SLC8A2: variants seen among roughly 807,000 people sequenced by gnomAD.
SLC8A2 encodes the protein solute carrier family 8 member A2.
SLC8A2 carries 14 observed loss-of-function variants against 70.2 expected under a neutral mutation model. The observed-to-expected ratio is 0.20, with a 90% CI of 0.13 to 0.31. The LOEUF (loss-of-function observed/expected upper bound fraction) is 0.31, where lower values mean the gene tolerates loss of function less well. SLC8A2 is among the 10% of genes least tolerant of loss of function. SLC8A2 has a pLI of 1.00. For synonymous variants in SLC8A2, 575 were observed against 594.3 expected (o/e 0.97, Z 0.47); for missense variants, 779 against 1,320.1 (o/e 0.59, Z 6.35).
At position 47,430,024 on chromosome 19, in the gene SLC8A2, A is replaced by T. The variant is rs1241904683; in HGVS notation, c.*65T>A. 1.3e-6 allele frequency: 2 copies of T among 1,491,962 alleles called. No individual in the cohort carries two copies. The highest frequency in any genetic ancestry group is 1.8e-6 in the Non-Finnish European group (2 of 1,114,574). 92.4% of individuals were successfully genotyped at this position (1,491,962 alleles called of 1,614,324 possible). ...TGGGGGGAAAAGGAGACCAGGGTCCAAGAGCAGGTGCAGCCGAGTCCCTAG... is the reference window on the plus strand; with the variant it reads ...TGGGGGGAAAAGGAGACCAGGGTCCTAGAGCAGGTGCAGCCGAGTCCCTAG... On this transcript the variant is annotated 3_prime_UTR_variant, in exon 10 of 10. Transcript: ENST00000236877. The surrounding 1 kb of genome is among the most constrained non-coding windows in gnomAD (Gnocchi z 5.9).
At chr19:47,456,433 G>A (rs1271609371) in intron 3 of SLC8A2, among the ~76,000 whole-genome samples, 1 of 152,212 alleles carries the variant, frequency 6.6e-6, no homozygotes, top group African/African-American at 2.4e-5. Context: ...GGAGGCCGAG[G>A]CAGGTGGATC....
rs1353642993 is a variant in SLC8A2 at position 47,465,253 on chromosome 19, G to C, written c.675+476C>G. 6.6e-6 allele frequency among the ~76,000 whole-genome samples: 1 copy of C among 152,112 alleles called. No individual in the cohort carries two copies. Among genetic ancestry groups the C allele is most frequent in the African/African-American group, 2.4e-5 (1 of 41,434 alleles). On this transcript the variant is annotated intron_variant, in intron 2 of 9. Coordinates refer to ENST00000236877, the MANE Select transcript of SLC8A2 (RefSeq NM_015063.3). The surrounding 1 kb of genome is among the most constrained non-coding windows in gnomAD (Gnocchi z 5.5). The stretch of plus-strand genomic sequence containing the variant: ...AACACTAGGCTGGATTATATGCAAG[G>C]GTAGTATGAATTATGCGAATGGAGG...
At position 47,439,960 on chromosome 19, in the gene SLC8A2, A is replaced by G. The variant is rs150273651; in HGVS notation, c.1885+1209T>C. On this transcript the variant is annotated intron_variant, in intron 6 of 9. Transcript: ENST00000236877. ...ATTACAGACATGAGGCATTGTGCCCAGTAAAGAAATAACTTTTATTGTGTT... is the reference window on the plus strand; with the variant it reads ...ATTACAGACATGAGGCATTGTGCCCGGTAAAGAAATAACTTTTATTGTGTT... Among the ~76,000 whole-genome samples the G allele has an allele frequency of 6.0e-4, 91 of 152,292 alleles. 2 individuals are homozygous for G. The East Asian group carries it at 0.016, about 27-fold the overall frequency.
rs1479755168 is a variant in SLC8A2 at position 47,429,833 on chromosome 19, G to T, written c.*256C>A. ...GGAAATTTCCCCAGGGATATAGACG[G>T]TCACCAACAGGATGGGCTGGAGTTG... is the stretch of plus-strand genomic sequence containing the variant. On this transcript the variant is annotated 3_prime_UTR_variant, in exon 10 of 10. Coordinates refer to ENST00000236877, the MANE Select transcript of SLC8A2 (RefSeq NM_015063.3). The T allele has an allele frequency of 1.7e-6, 1 of 576,110 alleles. No individual in the cohort carries two copies. The highest frequency in any genetic ancestry group is 3.1e-6 in the Non-Finnish European group (1 of 325,296). 35.7% of individuals were successfully genotyped at this position (576,110 alleles called of 1,614,324 possible). A position where few individuals can be genotyped will look rare whatever the true frequency, so the allele number is the denominator to read the frequency against.
In SLC8A2 at chr19:47,441,339, G is replaced by A; in HGVS notation, c.1865C>T (p.Ser622Leu). ...ACAGCCCACTGGTCACCCCTCACCTGAAATCCCTCGCTTAAGCCACTGGGG... is the reference window on the plus strand; with the variant it reads ...ACAGCCCACTGGTCACCCCTCACCTAAAATCCCTCGCTTAAGCCACTGGGG... ...GQPQWLKRGI[S>L]ALLLNQGDGD... The change falls in exon 5 of 10, where the codon TCA (serine) becomes TTA (leucine). Residue 622 changes from serine to leucine, a missense_variant and splice_region_variant. Around this residue, in one of 6 missense-constraint regions of SLC8A2, gnomAD observed 247 missense variants for 362.8 expected, o/e 0.68. Transcript: ENST00000236877. The A allele has an allele frequency of 6.2e-7, 1 of 1,611,364 alleles. No individual in the cohort carries two copies. The highest frequency in any genetic ancestry group is 8.5e-7 in the Non-Finnish European group (1 of 1,177,512).
chr19:47,428,256 C>A lies in SLC8A2; in HGVS notation c.*1833G>T, dbSNP rs914331067. 6.6e-6 allele frequency: 1 copy of A among 151,254 alleles called. No homozygotes were observed. The highest frequency in any genetic ancestry group is 1.5e-5 in the Non-Finnish European group (1 of 67,942). 9.4% of individuals were successfully genotyped at this position (151,254 alleles called of 1,614,324 possible). A position where few individuals can be genotyped will look rare whatever the true frequency, so the allele number is the denominator to read the frequency against. On this transcript the variant is annotated 3_prime_UTR_variant, in exon 10 of 10. Transcript: ENST00000236877. The stretch of plus-strand genomic sequence containing the variant: ...GAAGAGCTAGGCTGATGAATGGGGG[C>A]GTGGTTAGTGGAAACCCGTAATTGA...
rs185704566 is a variant in SLC8A2, at chr19:47,470,141, G to A, written c.-17+1648C>T. Among the ~76,000 whole-genome samples the A allele has an allele frequency of 1.8e-3, 280 of 152,320 alleles. 1 individual carries two copies. The highest frequency in any genetic ancestry group is 6.8e-3 in the Middle Eastern group (2 of 294). On this transcript the variant is annotated intron_variant, in intron 1 of 9. Transcript: ENST00000236877. Reference sequence around the variant, plus strand: ...ATTTACTGCCCCAGCATGAGCGCAGGCGCTCCCATCACCTCAAAATGGTCC... The same window carrying A: ...ATTTACTGCCCCAGCATGAGCGCAGACGCTCCCATCACCTCAAAATGGTCC...
chr19:47,462,586 C>CTT (rs542630404), intron 2 of SLC8A2, among the ~76,000 whole-genome samples: 9 of 117,416 alleles, frequency 7.7e-5, no homozygotes, highest in East Asian at 2.5e-4. Context: ...TTTTAAATTT[C>CTT]TTTTTTTTTT....
Position 47,466,399 on chromosome 19 carries a change from GC to G in SLC8A2, c.4del (p.Ala2LeufsTer194). The G allele has an allele frequency of 7.2e-7, 1 of 1,397,490 alleles. No individual in the cohort carries two copies. The highest frequency in any genetic ancestry group is 9.4e-7 in the Non-Finnish European group (1 of 1,064,178). 86.6% of individuals were successfully genotyped at this position (1,397,490 alleles called of 1,614,324 possible). A position where few individuals can be genotyped will look rare whatever the true frequency, so the allele number is the denominator to read the frequency against. M[A>X]PLALVGVTLL... Reference sequence around the variant, plus strand: ...TGTGACCCCCACCAAGGCCAGGGGAGCCATGGGGGGTGGTGGGGTCCTATGG... The same window carrying G: ...TGTGACCCCCACCAAGGCCAGGGGAGCATGGGGGGTGGTGGGGTCCTATGG... On this transcript the variant is annotated frameshift_variant, in exon 2 of 10. Transcript: ENST00000236877. LOFTEE classifies it high-confidence loss of function. This position sits in a 1 kb window ranked among gnomAD's most constrained non-coding sequence, Gnocchi z 6.9.
At chr19:47,438,025 C>T (rs902245524) in intron 6 of SLC8A2, 52 bp from the exon 7 acceptor site, 12 of 1,608,192 alleles carry the variant, frequency 7.5e-6, no homozygotes, top group Non-Finnish European at 1.0e-5. Context: ...CCTAATTGGG[C>T]CTGTGACGCC....
intron 3 of SLC8A2, among the ~76,000 whole-genome samples, chr19:47,456,157 A>G (rs1967300854): frequency 6.6e-6 from 1 of 152,232 alleles, no homozygotes; most frequent in African/African-American, 2.4e-5. Flanking sequence ...AGGTAGCAAT[A>G]CACATAATGG....
At chr19:47,458,876 T>A (rs1967351759) in intron 2 of SLC8A2, among the ~76,000 whole-genome samples, 1 of 147,522 alleles carries the variant, frequency 6.8e-6, no homozygotes, top group Non-Finnish European at 1.5e-5. Flanking sequence ...CTTGTCTCTG[T>A]TCACCTCTCT....
intron 3 of SLC8A2, among the ~76,000 whole-genome samples, chr19:47,449,616 G>A (rs544162320): frequency 9.2e-5 from 14 of 152,290 alleles, no homozygotes; most frequent in African/African-American, 1.4e-4. Context: ...GAGCAACCGT[G>A]CCTGGCCAAA....
intron 1 of SLC8A2, among the ~76,000 whole-genome samples, chr19:47,470,842 C>T (rs1171954212): frequency 6.6e-6 from 1 of 151,810 alleles, no homozygotes; most frequent in Non-Finnish European, 1.5e-5. Flanking sequence ...GAGGTGGGCT[C>T]GGTCCTCAGG....
chr19:47,454,696 G>T (rs1474002249), intron 3 of SLC8A2, among the ~76,000 whole-genome samples: 1 of 152,034 alleles, frequency 6.6e-6, no homozygotes, highest in Non-Finnish European at 1.5e-5. Context: ...ACCTGCAAAT[G>T]TCCAAGCGCT....
intron 4 of SLC8A2, among the ~76,000 whole-genome samples, chr19:47,444,702 C>T (rs1314570384): frequency 1.3e-5 from 2 of 152,240 alleles, no homozygotes; most frequent in Non-Finnish European, 2.9e-5. Flanking sequence ...CTGCGCCTGG[C>T]AGGCGCACCC....
At position 47,457,301 on chromosome 19, in the gene SLC8A2, C is replaced by T. The variant is rs1299096270; in HGVS notation, c.969G>A (p.Lys323=). 53 of 1,545,322 alleles carry T rather than the reference C, an allele frequency of 3.4e-5. No homozygotes were observed. In the Admixed American group the frequency reaches 1.0e-3, roughly 29 times the overall value. ...REVIQILKDL[K]QKHPDKDLEQ... ...CCAGATCCTTGTCCGGGTGCTTCTG[C>T]TTGAGGTCCTTGAGGATCTGGATGA... The change falls in exon 3 of 10, where the codon AAG becomes AAA. Residue 323 remains lysine (K), a synonymous_variant. Coordinates refer to ENST00000236877, the MANE Select transcript of SLC8A2 (RefSeq NM_015063.3).
chr19:47,430,087 C>A lies in SLC8A2; in HGVS notation c.*2G>T. The A allele has an allele frequency of 6.3e-7, 1 of 1,580,898 alleles. No homozygotes were observed. Among genetic ancestry groups the A allele is most frequent in the Non-Finnish European group, 8.6e-7 (1 of 1,163,330 alleles). On this transcript the variant is annotated 3_prime_UTR_variant, in exon 10 of 10. Coordinates refer to ENST00000236877, the MANE Select transcript of SLC8A2 (RefSeq NM_015063.3). The surrounding 1 kb of genome is among the most constrained non-coding windows in gnomAD (Gnocchi z 5.9). ...GGTGGGGACGAGTCTCTGCGCGAGG[C>A]CCTAGAAGCCCCGGATGTGGCAGTA...
In SLC8A2 at chr19:47,447,673, C is replaced by G; in HGVS notation, c.1763+136G>C. Reference sequence around the variant, plus strand: ...CACGTTGCGGGCACGGCCACGCAGGCCCCTCCCCTCCCGAGGCCCAACCAA... The same window carrying G: ...CACGTTGCGGGCACGGCCACGCAGGGCCCTCCCCTCCCGAGGCCCAACCAA... On this transcript the variant is annotated intron_variant, in intron 4 of 9. Transcript: ENST00000236877. The surrounding 1 kb of genome is among the most constrained non-coding windows in gnomAD (Gnocchi z 5.1). 1.1e-6 allele frequency: 1 copy of G among 907,372 alleles called. No homozygotes were observed. Among genetic ancestry groups the G allele is most frequent in the Non-Finnish European group, 1.6e-6 (1 of 640,276 alleles). 56.2% of individuals were successfully genotyped at this position (907,372 alleles called of 1,614,324 possible). A position where few individuals can be genotyped will look rare whatever the true frequency, so the allele number is the denominator to read the frequency against.
Sources: gnomAD v4.1 joint callset for allele counts (sites outside exome capture counted in the v4.1 genomes callset) on GRCh38, gnomAD v4.1.1 for gene constraint, gnomAD v4.1.1 regional missense constraint, Gnocchi (gnomAD v3.1) non-coding constraint, MANE v1.5 for transcripts, NCBI Gene and HGNC (gene_info 2026-07-23, HGNC 2026-07-21) for gene names.